The following CLVS1 variants were observed in gnomAD, a reference collection of about 807,000 sequenced individuals.
CLVS1 encodes clavesin-1.
In CLVS1, 10 loss-of-function variants were observed where a neutral mutation model predicts 33.1. That is an observed-to-expected ratio of 0.30 (90% CI 0.19 to 0.51). The LOEUF (loss-of-function observed/expected upper bound fraction) is 0.51, where lower values mean the gene tolerates loss of function less well. Ranked by LOEUF, CLVS1 falls within the 20% of genes least tolerant of loss-of-function variation. CLVS1 has a pLI of 0.97. For missense variants in CLVS1, 343 were observed against 433.4 expected (o/e 0.79, Z 1.85); for synonymous variants, 163 against 166.1 (o/e 0.98, Z 0.14).
At chr8:61,125,235 T>C (rs956097851) in intron 1 of CLVS1, among the ~76,000 whole-genome samples, 4 of 152,146 alleles carry the variant, frequency 2.6e-5, no homozygotes, top group African/African-American at 9.7e-5. Context: ...AGCCTTCCCC[T>C]TTCCTCGCTT....
chr8:61,454,464 G>A (rs921005258), intron 4 of CLVS1, among the ~76,000 whole-genome samples: 31 of 151,964 alleles, frequency 2.0e-4, no homozygotes, highest in Admixed American at 7.9e-4. Context: ...GGTTATTTTC[G>A]GAGTCCCAGT....
At chr8:61,067,456 ATAT>A (rs1231426939) in intron 1 of CLVS1, among the ~76,000 whole-genome samples, 1 of 148,706 alleles carries the variant, frequency 6.7e-6, no homozygotes, top group Non-Finnish European at 1.5e-5. Flanking sequence ...ATTAGTTGAT[ATAT>A]TATTATAATG....
intron 2 of CLVS1, among the ~76,000 whole-genome samples, chr8:61,190,139 C>T (rs1051307027): frequency 2.0e-4 from 30 of 152,218 alleles, no homozygotes; most frequent in Admixed American, 2.0e-4. Flanking sequence ...CACTCCTCAG[C>T]GAATATAAAA....
intron 1 of CLVS1, among the ~76,000 whole-genome samples, chr8:61,110,522 GT>G (rs1805607654): frequency 2.0e-5 from 3 of 152,062 alleles, no homozygotes; most frequent in Admixed American, 2.0e-4. Context: ...AAAAAAAAAA[GT>G]TTTTTAATTT....
In CLVS1 at chr8:61,449,116, T is replaced by A. The variant is rs148626946; in HGVS notation, c.631-5025T>A. 7.2e-5 allele frequency among the ~76,000 whole-genome samples: 11 copies of A among 152,246 alleles called. No homozygotes were observed. In the East Asian group the frequency reaches 1.9e-3, roughly 27 times the overall value. ...ATTACCAAGTAGAGGTAGAAGTCCA[T>A]GTTCCTCACTCAGCCTCTGTTGACA... is the stretch of plus-strand genomic sequence containing the variant. On this transcript the variant is annotated intron_variant, in intron 3 of 5. Coordinates refer to ENST00000325897, the MANE Select transcript of CLVS1 (RefSeq NM_173519.3).
chr8:61,206,877 G>A (rs769332618), intron 2 of CLVS1, among the ~76,000 whole-genome samples: 1 of 152,152 alleles, frequency 6.6e-6, no homozygotes, highest in Non-Finnish European at 1.5e-5. Flanking sequence ...ATGAGCCAGT[G>A]CGCCCGGCAT....
chr8:61,411,002 T>G (rs1815201490), intron 3 of CLVS1, among the ~76,000 whole-genome samples: 1 of 152,218 alleles, frequency 6.6e-6, no homozygotes, highest in Non-Finnish European at 1.5e-5. Flanking sequence ...CTCCTACGCT[T>G]GTGCTCTCCT....
At chr8:61,362,997 T>C (rs1204571392) in intron 2 of CLVS1, among the ~76,000 whole-genome samples, 4 of 152,136 alleles carry the variant, frequency 2.6e-5, no homozygotes, top group African/African-American at 9.7e-5. Flanking sequence ...TGTAACTTAG[T>C]TAATGGAAAA....
intron 1 of CLVS1, among the ~76,000 whole-genome samples, chr8:61,127,248 C>G (rs1208291607): frequency 6.7e-6 from 1 of 148,766 alleles, no homozygotes; most frequent in Admixed American, 6.7e-5. Context: ...GAGTTTCGCT[C>G]TTGTTGCCCA....
chr8:61,386,523 T>C (rs188217861), intron 3 of CLVS1, among the ~76,000 whole-genome samples: 14 of 152,210 alleles, frequency 9.2e-5, no homozygotes, highest in African/African-American at 2.2e-4. Flanking sequence ...TATGACTGAT[T>C]CATGATTTTC....
intron 1 of CLVS1, among the ~76,000 whole-genome samples, chr8:61,081,528 C>T (rs1054855461): frequency 1.2e-4 from 18 of 151,978 alleles, no homozygotes; most frequent in African/African-American, 4.4e-4. Context: ...CTCCTGGGAC[C>T]CTTATGAGAA....
chr8:61,229,929 C>T (rs1320567000), intron 2 of CLVS1, among the ~76,000 whole-genome samples: 1 of 152,184 alleles, frequency 6.6e-6, no homozygotes, highest in African/African-American at 2.4e-5. Context: ...CCCAGCTGAG[C>T]CAGGCACATT....
chr8:60,993,160 G>C, the CLVS1 span, among the ~76,000 whole-genome samples: 1 of 152,230 alleles, frequency 6.6e-6, no homozygotes. Flanking sequence ...GTGGTGTACA[G>C]ATGATGACGG....
chr8:61,145,131 G>T (rs1045607629), intron 2 of CLVS1, among the ~76,000 whole-genome samples: 4 of 152,174 alleles, frequency 2.6e-5, no homozygotes, highest in African/African-American at 9.7e-5. Flanking sequence ...AAAAGCTTCT[G>T]CACAGCAAAA....
At chr8:61,059,992 G>A (rs753759331) in intron 1 of CLVS1, among the ~76,000 whole-genome samples, 3 of 152,220 alleles carry the variant, frequency 2.0e-5, no homozygotes, top group South Asian at 2.1e-4. Flanking sequence ...ATGCCCTCAA[G>A]TGAATGATAC....
chr8:61,360,899 T>C (rs990893481), intron 2 of CLVS1, among the ~76,000 whole-genome samples: 10 of 152,184 alleles, frequency 6.6e-5, no homozygotes, highest in Non-Finnish European at 1.2e-4. Flanking sequence ...GACTAGATAA[T>C]TTATTTAAAA....
chr8:61,458,700 A>G, intron 5 of CLVS1, 158 bp downstream of exon 5: 2 of 593,016 alleles, frequency 3.4e-6, no homozygotes, highest in Non-Finnish European at 5.8e-6. Context: ...AAAACTGAAA[A>G]CAAATGGGGC....
At chr8:61,292,200 A>G (rs1810018996) in intron 1 of CLVS1, 3 of 358,360 alleles carry the variant, frequency 8.4e-6, no homozygotes, top group Admixed American at 6.4e-5. Context: ...AAACCACTCC[A>G]TGTTCTGAAG....
chr8:61,020,293 T>A, the CLVS1 span, among the ~76,000 whole-genome samples: 1 of 152,236 alleles, frequency 6.6e-6, no homozygotes, highest in African/African-American at 2.4e-5. Flanking sequence ...TCTCTTCCCT[T>A]TTTGGAAACA....
Sources: gnomAD v4.1 joint callset for allele counts (sites outside exome capture counted in the v4.1 genomes callset) on GRCh38, gnomAD v4.1.1 for gene constraint, MANE v1.5 for transcripts, NCBI Gene and HGNC (gene_info 2026-07-23, HGNC 2026-07-21) for gene names.